TENM3: variants seen among roughly 807,000 people sequenced by gnomAD.
TENM3 encodes the protein teneurin-3.
Under a neutral mutation model 255.1 loss-of-function variants are expected in TENM3, and 63 were observed. The observed-to-expected ratio is 0.25, with a 90% CI of 0.20 to 0.30. TENM3 has a LOEUF of 0.30. TENM3 is among the 10% of genes least tolerant of loss of function. The pLI is 1.00. For missense variants in TENM3, 2,929 were observed against 3,461.1 expected, an observed-to-expected ratio of 0.85 and a Z score of 3.86; for synonymous variants, 1,306 against 1,322.3, an observed-to-expected ratio of 0.99 and a Z score of 0.27.
chr4:181,531,225 C>A, the TENM3 span, among the ~76,000 whole-genome samples: 1 of 152,032 alleles, frequency 6.6e-6, no homozygotes, highest in South Asian at 2.1e-4. Flanking sequence ...AATTATAGAG[C>A]AAGGAAGGGG....
the TENM3 span, among the ~76,000 whole-genome samples, chr4:181,727,040 C>T: frequency 6.6e-6 from 1 of 152,138 alleles, no homozygotes; most frequent in African/African-American, 2.4e-5. Context: ...CAGGAACCTT[C>T]GTGTGTTCAG....
At chr4:182,563,539 A>G (rs960961036) in intron 3 of TENM3, among the ~76,000 whole-genome samples, 3 of 152,226 alleles carry the variant, frequency 2.0e-5, no homozygotes. Context: ...ATATAATTCT[A>G]TATTATTAAA....
At chr4:182,405,104 T>C (rs983201565) in intron 3 of TENM3, among the ~76,000 whole-genome samples, 1 of 152,146 alleles carries the variant, frequency 6.6e-6, no homozygotes, top group African/African-American at 2.4e-5. Context: ...ACCCAGAACC[T>C]GAGAAAGGTA....
the TENM3 span, among the ~76,000 whole-genome samples, chr4:181,979,138 A>C: frequency 4.8e-5 from 5 of 104,956 alleles, no homozygotes; most frequent in African/African-American, 1.9e-4. Context: ...ATATATATAT[A>C]TATATATATA....
Position 182,802,583 on chromosome 4 carries a change from T to C in TENM3, c.*2232T>C, listed in dbSNP as rs1767050309. On this transcript the variant is annotated 3_prime_UTR_variant, in exon 28 of 28. Transcript: ENST00000511685. ...AACCTCTTCTTGACGTGGACTGGTC[T>C]TCACTCGGGCACCGATAAATAACAG... is the stretch of plus-strand genomic sequence containing the variant. 6.6e-6 allele frequency: 1 copy of C among 152,628 alleles called. No individual in the cohort carries two copies. Among genetic ancestry groups the C allele is most frequent in the Admixed American group, 6.5e-5 (1 of 15,282 alleles). The allele number at this position is 152,628 out of a possible 1,614,324, so 9.5% of individuals were successfully genotyped here.
chr4:182,095,172 T>C, the TENM3 span, among the ~76,000 whole-genome samples: 12 of 152,182 alleles, frequency 7.9e-5, no homozygotes, highest in Admixed American at 1.3e-4. Context: ...ATCGCACTGC[T>C]GGGTATATAT....
chr4:181,918,451 G>A, the TENM3 span, among the ~76,000 whole-genome samples: 1 of 152,036 alleles, frequency 6.6e-6, no homozygotes, highest in Non-Finnish European at 1.5e-5. Context: ...TCTACAGGAA[G>A]ACTATTTTTT....
At chr4:182,016,162 A>G in the TENM3 span, among the ~76,000 whole-genome samples, 1 of 152,134 alleles carries the variant, frequency 6.6e-6, no homozygotes, top group Non-Finnish European at 1.5e-5. Context: ...ATTCGTGCAG[A>G]TGACTGAGAT....
chr4:181,789,537 G>A, the TENM3 span, among the ~76,000 whole-genome samples: 4 of 152,030 alleles, frequency 2.6e-5, no homozygotes, highest in Admixed American at 6.5e-5. Flanking sequence ...GATTACAGGC[G>A]TGAGCCACTA....
chr4:182,620,657 T>TAAAG (rs1750035059), intron 4 of TENM3, among the ~76,000 whole-genome samples: 2 of 152,254 alleles, frequency 1.3e-5, no homozygotes, highest in African/African-American at 4.8e-5. Context: ...AAACAATCTT[T>TAAAG]ACTAATTCTT....
chr4:182,730,390 C>T, intron 15 of TENM3, 71 bp downstream of exon 15: 1 of 1,550,006 alleles, frequency 6.5e-7, no homozygotes, highest in South Asian at 1.2e-5. Context: ...GTACCACTGT[C>T]ATGTTTGACT....
At chr4:182,612,345 T>G (rs1043114736) in intron 4 of TENM3, among the ~76,000 whole-genome samples, 3 of 151,920 alleles carry the variant, frequency 2.0e-5, no homozygotes, top group Non-Finnish European at 4.4e-5. Flanking sequence ...TTGTATTTAC[T>G]TAAACACACA....
At chr4:181,767,230 C>T in the TENM3 span, among the ~76,000 whole-genome samples, 8 of 121,688 alleles carry the variant, frequency 6.6e-5, no homozygotes, top group Admixed American at 3.3e-4. Context: ...CCAGCCTGGG[C>T]GAGAGTGCGA....
At chr4:181,873,188 C>A in the TENM3 span, among the ~76,000 whole-genome samples, 1 of 151,984 alleles carries the variant, frequency 6.6e-6, no homozygotes, top group Non-Finnish European at 1.5e-5. Context: ...CTGCCTCAGC[C>A]TCCCGAGTAG....
At chr4:181,539,753 C>T in the TENM3 span, among the ~76,000 whole-genome samples, 2 of 152,044 alleles carry the variant, frequency 1.3e-5, no homozygotes, top group East Asian at 3.9e-4. Flanking sequence ...TTCCATAATC[C>T]TAGATTTTTA....
the TENM3 span, among the ~76,000 whole-genome samples, chr4:182,094,042 C>T: frequency 6.6e-6 from 1 of 152,024 alleles, no homozygotes; most frequent in African/African-American, 2.4e-5. Context: ...AAGCCCTGGG[C>T]CCCACAGAGC....
the TENM3 span, among the ~76,000 whole-genome samples, chr4:181,966,620 G>T: frequency 6.6e-6 from 1 of 152,164 alleles, no homozygotes; most frequent in African/African-American, 2.4e-5. Flanking sequence ...GCAGATGTAA[G>T]GTTCTGGCAA....
intron 3 of TENM3, among the ~76,000 whole-genome samples, chr4:182,445,648 T>C (rs1363088063): frequency 1.3e-5 from 2 of 152,218 alleles, no homozygotes; most frequent in South Asian, 2.1e-4. Context: ...TGATTTGGTT[T>C]GGTTCATGCA....
At chr4:182,160,255 G>C (rs184526825) in intron 1 of TENM3, among the ~76,000 whole-genome samples, 167 of 152,062 alleles carry the variant, frequency 1.1e-3, no homozygotes, top group African/African-American at 3.5e-3. Flanking sequence ...GCCCGCCTCG[G>C]CCTCCCAAAG....
Sources: gnomAD v4.1 joint callset for allele counts (sites outside exome capture counted in the v4.1 genomes callset) on GRCh38, gnomAD v4.1.1 for gene constraint, MANE v1.5 for transcripts, NCBI Gene and HGNC (gene_info 2026-07-23, HGNC 2026-07-21) for gene names.